PDE11A: variants seen among roughly 807,000 people sequenced by gnomAD.
PDE11A encodes the protein dual 3',5'-cyclic-AMP and -GMP phosphodiesterase 11A.
A neutral mutation model predicts 100.5 loss-of-function variants in PDE11A; 100 were observed. The ratio of observed to expected loss-of-function variants is 1.00; its 90% CI spans 0.85 to 1.18. The LOEUF (loss-of-function observed/expected upper bound fraction) is 1.18, where lower values mean the gene tolerates loss of function less well. Among genes scored for constraint, PDE11A ranks in the 50% most tolerant of loss-of-function variants. The pLI is 0.00. For synonymous variants in PDE11A, 381 were observed against 420.8 expected, an observed-to-expected ratio of 0.91 and a Z score of 1.16; for missense variants, 1,141 against 1,152.6, an observed-to-expected ratio of 0.99 and a Z score of 0.15.
At chr2:177,674,211 A>G (rs1056202540) in intron 17 of PDE11A, among the ~76,000 whole-genome samples, 2 of 152,128 alleles carry the variant, frequency 1.3e-5, no homozygotes, top group Non-Finnish European at 2.9e-5. Context: ...ATCCTTTCTA[A>G]GCCTCATTTT....
chr2:177,737,264 T>TAAATA (rs59497046), intron 10 of PDE11A, among the ~76,000 whole-genome samples: 4,149 of 144,792 alleles, frequency 0.029, 179 homozygotes, highest in African/African-American at 0.1. Flanking sequence ...AATAAATAAA[T>TAAATA]AAATAAAATA....
At chr2:178,080,322 A>G (rs953773362) in intron 2 of PDE11A, among the ~76,000 whole-genome samples, 1 of 152,134 alleles carries the variant, frequency 6.6e-6, no homozygotes. Flanking sequence ...TAATTTTTGT[A>G]TAAGATGTAA....
chr2:177,883,021 G>A (rs1257116618), intron 4 of PDE11A, among the ~76,000 whole-genome samples: 2 of 152,100 alleles, frequency 1.3e-5, no homozygotes, highest in African/African-American at 4.8e-5. Context: ...TGTAATGCCA[G>A]CACTTTGGGA....
At chr2:177,850,982 T>C (rs887185949) in intron 5 of PDE11A, among the ~76,000 whole-genome samples, 2 of 152,216 alleles carry the variant, frequency 1.3e-5, no homozygotes, top group African/African-American at 4.8e-5. Context: ...GTGTGGCGAC[T>C]CCTCAAGGAT....
intron 1 of PDE11A, among the ~76,000 whole-genome samples, chr2:178,030,174 A>G (rs1476348879): frequency 6.6e-6 from 1 of 152,206 alleles, no homozygotes; most frequent in Non-Finnish European, 1.5e-5. Context: ...AAAAAAAGAG[A>G]GAGGCCTTAT....
chr2:177,888,506 C>T (rs16865906), intron 4 of PDE11A: 44,169 of 152,590 alleles, frequency 0.29, 6,552 homozygotes, highest in Middle Eastern at 0.37. Context: ...TACAATAATG[C>T]CATTATAGCT....
intron 2 of PDE11A, among the ~76,000 whole-genome samples, chr2:177,957,230 A>G (rs935983540): frequency 3.9e-5 from 6 of 152,038 alleles, no homozygotes; most frequent in Admixed American, 3.9e-4. Context: ...TGAAAACTCA[A>G]TACTGTATAT....
chr2:177,759,629 A>C (rs1192115785), intron 10 of PDE11A, among the ~76,000 whole-genome samples: 1 of 152,226 alleles, frequency 6.6e-6, no homozygotes. Flanking sequence ...ACAGCTAGAT[A>C]GCCAATCAGA....
intron 19 of PDE11A, among the ~76,000 whole-genome samples, chr2:177,650,513 C>T (rs1037442560): frequency 2.0e-5 from 3 of 152,204 alleles, no homozygotes; most frequent in Non-Finnish European, 4.4e-5. Context: ...TCCATTGCCC[C>T]TGTTCTTGGA....
At chr2:178,022,079 G>C (rs2086420295) in intron 1 of PDE11A, among the ~76,000 whole-genome samples, 1 of 152,158 alleles carries the variant, frequency 6.6e-6, no homozygotes, top group East Asian at 1.9e-4. Context: ...ATTTTAGAAA[G>C]ACTGCTGTGG....
rs1206952508 is a variant in PDE11A, at chr2:178,102,940, T to C, written c.162+1362A>G. Among the ~76,000 whole-genome samples the C allele has an allele frequency of 4.6e-5, 7 of 152,104 alleles. 1 individual carries two copies. The highest frequency in any genetic ancestry group is 8.8e-5 in the Non-Finnish European group (6 of 68,002). On this transcript the variant is annotated intron_variant, in intron 2 of 20. Transcript: ENST00000358450. Reference sequence around the variant, plus strand: ...TCCTTATGAATATGATTGGTGTCATTATGAGAAAATGGTCATGTAAAGACA... The same window carrying C: ...TCCTTATGAATATGATTGGTGTCATCATGAGAAAATGGTCATGTAAAGACA...
chr2:177,861,004 T>C (rs10183345), intron 5 of PDE11A, among the ~76,000 whole-genome samples: 1 of 151,912 alleles, frequency 6.6e-6, no homozygotes, highest in East Asian at 1.9e-4. Flanking sequence ...AAAGACTGAA[T>C]GTTTTACTTT....
At chr2:177,645,493 G>A (rs536694040) in intron 19 of PDE11A, among the ~76,000 whole-genome samples, 52 of 152,202 alleles carry the variant, frequency 3.4e-4, no homozygotes, top group Non-Finnish European at 6.9e-4. Flanking sequence ...ACCATGCCTG[G>A]CCAAGAACTA....
chr2:177,873,147 A>C (rs1325910305), intron 5 of PDE11A, among the ~76,000 whole-genome samples: 1 of 152,216 alleles, frequency 6.6e-6, no homozygotes, highest in Non-Finnish European at 1.5e-5. Context: ...TAATAAAAAA[A>C]CAGAAGTATT....
At chr2:177,664,868 T>G (rs1298708247) in intron 18 of PDE11A, among the ~76,000 whole-genome samples, 1 of 152,188 alleles carries the variant, frequency 6.6e-6, no homozygotes, top group Non-Finnish European at 1.5e-5. Flanking sequence ...TCACATTATT[T>G]TGGTGTCCTT....
chr2:177,665,523 A>T (rs866744587), intron 18 of PDE11A, among the ~76,000 whole-genome samples: 1 of 149,052 alleles, frequency 6.7e-6, no homozygotes, highest in Admixed American at 6.7e-5. Flanking sequence ...AAAATAAAAT[A>T]AAAATAAAGA....
intron 5 of PDE11A, among the ~76,000 whole-genome samples, chr2:177,857,362 G>C (rs760280781): frequency 6.6e-6 from 1 of 151,888 alleles, no homozygotes; most frequent in South Asian, 2.1e-4. Context: ...GAAGAATAAA[G>C]AGAACCGATA....
intron 1 of PDE11A, among the ~76,000 whole-genome samples, chr2:178,021,301 A>G (rs556231633): frequency 3.7e-4 from 57 of 152,316 alleles, no homozygotes; most frequent in African/African-American, 1.3e-3. Flanking sequence ...AATGCATCTT[A>G]GGACATGCTT....
At chr2:178,107,291 A>ACTTCC (rs1246083988) in intron 1 of PDE11A, among the ~76,000 whole-genome samples, 1 of 151,952 alleles carries the variant, frequency 6.6e-6, no homozygotes, top group Non-Finnish European at 1.5e-5. Context: ...AAGGGATAGA[A>ACTTCC]TATCTTAAGA....
Sources: gnomAD v4.1 joint callset for allele counts (sites outside exome capture counted in the v4.1 genomes callset) on GRCh38, gnomAD v4.1.1 for gene constraint, MANE v1.5 for transcripts, NCBI Gene and HGNC (gene_info 2026-07-23, HGNC 2026-07-21) for gene names.